ELAVL1: variants seen among roughly 807,000 people sequenced by gnomAD.
ELAVL1 encodes the protein ELAV-like protein 1.
Under a neutral mutation model 28.4 loss-of-function variants are expected in ELAVL1, and 1 was observed. The ratio of observed to expected loss-of-function variants is 0.04; its 90% confidence interval spans 0.01 to 0.17. The LOEUF is 0.17. Among genes scored for constraint, ELAVL1 ranks in the 10% least tolerant of loss-of-function variants. The pLI, the probability that ELAVL1 is intolerant of heterozygous loss-of-function variation, is 1.00. For missense variants in ELAVL1, 157 were observed against 447.2 expected (o/e 0.35, Z 5.85); for synonymous variants, 174 against 183.5 (o/e 0.95, Z 0.42).
intron 1 of ELAVL1, among the ~76,000 whole-genome samples, chr19:7,996,390 C>T (rs2081048896): frequency 6.6e-6 from 1 of 151,464 alleles, no homozygotes; most frequent in South Asian, 2.1e-4. Flanking sequence ...ACCGTGTTAG[C>T]CAGGATGGTC....
At chr19:8,003,157 G>A (rs1207023282) in intron 1 of ELAVL1, among the ~76,000 whole-genome samples, 2 of 151,396 alleles carry the variant, frequency 1.3e-5, no homozygotes, top group African/African-American at 2.4e-5. Context: ...GGAGGCCAAG[G>A]CGGGTGGATC....
intron 1 of ELAVL1, among the ~76,000 whole-genome samples, chr19:7,999,604 G>C (rs1166030801): frequency 6.6e-6 from 1 of 152,156 alleles, no homozygotes; most frequent in Non-Finnish European, 1.5e-5. Flanking sequence ...CAGCAGTACA[G>C]GAGGCTGCTG....
At position 7,998,990 on chromosome 19, in the gene ELAVL1, C is replaced by G. The variant is rs572168210; in HGVS notation, c.-17+6505G>C. On this transcript the variant is annotated intron_variant, in intron 1 of 5. Transcript: ENST00000407627. ...CAGGGGTCTCATTTTGTTGCCCATG[C>G]TGGCTTCAAGTCATCCTCCCACCTG... 7.4e-4 allele frequency among the ~76,000 whole-genome samples: 112 copies of G among 152,272 alleles called. 1 individual carries two copies. The highest frequency in any genetic ancestry group is 2.5e-3 in the African/African-American group (105 of 41,556).
intron 4 of ELAVL1, among the ~76,000 whole-genome samples, chr19:7,968,813 A>C (rs1985026658): frequency 1.3e-5 from 2 of 152,218 alleles, no homozygotes; most frequent in African/African-American, 4.8e-5. Flanking sequence ...CCGGGAGGGA[A>C]ACATGAGTAG....
chr19:7,967,762 C>T lies in ELAVL1; in HGVS notation c.459G>A (p.Arg153=). ...TGLSRGVAFI[R]FDKRSEAEEA... ...CTTCTGCCTCCGACCGTTTGTCAAA[C>T]CGGATAAACGCAACCCCTCTGGACA... is the stretch of plus-strand genomic sequence containing the variant. The change falls in exon 5 of 6, where the codon CGG becomes CGA. Residue 153 remains arginine (R), a synonymous_variant. Transcript: ENST00000407627. 6.2e-7 allele frequency: 1 copy of T among 1,614,170 alleles called. No individual in the cohort carries two copies.
chr19:7,969,137 C>G (rs1163735327), intron 4 of ELAVL1, among the ~76,000 whole-genome samples: 1 of 152,168 alleles, frequency 6.6e-6, no homozygotes, highest in Admixed American at 6.5e-5. Flanking sequence ...GAGGCTGAGG[C>G]AAGAGAATCG....
intron 4 of ELAVL1, among the ~76,000 whole-genome samples, chr19:7,972,005 A>G (rs1985127241): frequency 6.6e-6 from 1 of 152,208 alleles, no homozygotes; most frequent in Non-Finnish European, 1.5e-5. Context: ...GTTCTCTCAA[A>G]AAGAGGTCAC....
chr19:7,983,315 G>A (rs2145215164), intron 2 of ELAVL1, among the ~76,000 whole-genome samples: 1 of 152,198 alleles, frequency 6.6e-6, no homozygotes, highest in East Asian at 1.9e-4. Flanking sequence ...ACAAGCAACG[G>A]AGCAGTGCAG....
Position 7,991,848 on chromosome 19 carries a change from A to C in ELAVL1, c.-16-17T>G, listed in dbSNP as rs375698082. 21 of 1,574,350 alleles carry C rather than the reference A, an allele frequency of 1.3e-5. No homozygotes were observed. In the South Asian group the frequency reaches 1.4e-4, roughly 10 times the overall value. On this transcript the variant is annotated splice_polypyrimidine_tract_variant and intron_variant, in intron 1 of 5. Transcript: ENST00000407627. ...TTCAAAAATCTGCCAAGAGAAAAAGAGCAAGTAAATTCAAAATGTTCATAT... is the reference window on the plus strand; with the variant it reads ...TTCAAAAATCTGCCAAGAGAAAAAGCGCAAGTAAATTCAAAATGTTCATAT...
chr19:7,982,436 G>T lies in ELAVL1; in HGVS notation c.173-1250C>A, dbSNP rs2145214323. Among the ~76,000 whole-genome samples, 1 of 152,302 alleles carries T rather than the reference G, an allele frequency of 6.6e-6. No homozygotes were observed. The highest frequency in any genetic ancestry group is 1.9e-4 in the East Asian group (1 of 5,186). On this transcript the variant is annotated intron_variant, in intron 2 of 5. Coordinates refer to ENST00000407627, the MANE Select transcript of ELAVL1 (RefSeq NM_001419.3). The surrounding 1 kb of genome is among the most constrained non-coding windows in gnomAD (Gnocchi z 4.3). ...TGAGGCAGAGATCCTCCTGGCAGCT[G>T]GGCCAGGGACATCCAGATCCATCTC... is the stretch of plus-strand genomic sequence containing the variant.
intron 2 of ELAVL1, among the ~76,000 whole-genome samples, chr19:7,984,198 C>A (rs1189743211): frequency 6.6e-6 from 1 of 152,168 alleles, no homozygotes; most frequent in Non-Finnish European, 1.5e-5. Flanking sequence ...TAACTGAGCA[C>A]CTACTATGTG....
chr19:7,997,590 GT>G (rs1347080910), intron 1 of ELAVL1, among the ~76,000 whole-genome samples: 1 of 152,058 alleles, frequency 6.6e-6, no homozygotes, highest in Non-Finnish European at 1.5e-5. Flanking sequence ...AACTTTATCC[GT>G]TTGTCAAAAC....
intron 2 of ELAVL1, among the ~76,000 whole-genome samples, chr19:7,989,064 T>C (rs1295700695): frequency 6.6e-6 from 1 of 152,156 alleles, no homozygotes; most frequent in Admixed American, 6.5e-5. Context: ...ACCCGTGTTG[T>C]GAGCTGAGCT....
chr19:7,968,293 G>C (rs934106422), intron 4 of ELAVL1, among the ~76,000 whole-genome samples: 1 of 152,208 alleles, frequency 6.6e-6, no homozygotes, highest in Non-Finnish European at 1.5e-5. Context: ...TCGTGGCCGA[G>C]CCTGCTGCAA....
At chr19:7,969,827 A>G (rs1267082942) in intron 4 of ELAVL1, among the ~76,000 whole-genome samples, 1 of 151,984 alleles carries the variant, frequency 6.6e-6, no homozygotes, top group Non-Finnish European at 1.5e-5. Flanking sequence ...AAACTGCCTG[A>G]GTGAAAGGAA....
At chr19:7,978,716 T>C (rs1985371241) in intron 3 of ELAVL1, among the ~76,000 whole-genome samples, 1 of 152,168 alleles carries the variant, frequency 6.6e-6, no homozygotes, top group African/African-American at 2.4e-5. Context: ...CCTGAATTTG[T>C]AGCCAGCTGG....
intron 2 of ELAVL1, among the ~76,000 whole-genome samples, chr19:7,986,002 C>G (rs1353020152): frequency 6.6e-6 from 1 of 152,236 alleles, no homozygotes; most frequent in Non-Finnish European, 1.5e-5. Context: ...TTACTGGGCA[C>G]CCATACACCG....
At chr19:7,969,476 G>A (rs2145202991) in intron 4 of ELAVL1, among the ~76,000 whole-genome samples, 1 of 152,226 alleles carries the variant, frequency 6.6e-6, no homozygotes, top group Non-Finnish European at 1.5e-5. Context: ...CTTTAGTAAG[G>A]TCAGACCTAG....
At chr19:8,002,324 C>T (rs997282405) in intron 1 of ELAVL1, 4 of 367,608 alleles carry the variant, frequency 1.1e-5, no homozygotes, top group African/African-American at 8.5e-5. Flanking sequence ...GGTCCCTTTT[C>T]TGGGCTTCCA....
Sources: gnomAD v4.1 joint callset for allele counts (sites outside exome capture counted in the v4.1 genomes callset) on GRCh38, gnomAD v4.1.1 for gene constraint, Gnocchi (gnomAD v3.1) non-coding constraint, MANE v1.5 for transcripts, NCBI Gene and HGNC (gene_info 2026-07-23, HGNC 2026-07-21) for gene names.